CD109: variants seen among roughly 807,000 people sequenced by gnomAD.
CD109 encodes CD109 molecule.
CD109 carries 149 observed loss-of-function variants against 165.8 expected under a neutral mutation model. That is an observed-to-expected ratio of 0.90 (90% confidence interval 0.79 to 1.03). The LOEUF (loss-of-function observed/expected upper bound fraction) is 1.03. Among genes scored for constraint, CD109 ranks in the 50% least tolerant of loss-of-function variants. The pLI is 0.00. For missense variants in CD109, 1,712 were observed against 1,677.8 expected (o/e 1.02, Z -0.36); for synonymous variants, 585 against 592.1 (o/e 0.99, Z 0.18).
chr6:73,696,227 A>C lies in CD109; in HGVS notation c.12A>C (p.Pro4=). Residue 4 remains proline, a synonymous_variant, in exon 1 of 33, where the codon CCA becomes CCC. Transcript: ENST00000287097. MQG[P]PLLTAAHLLC... is the part of the protein sequence containing the mutation. ...CAGACGCCGTCGAGATGCAGGGCCC[A>C]CCGCTCCTGACCGCCGCCCACCTCC... 6.5e-7 allele frequency: 1 copy of C among 1,544,242 alleles called. No homozygotes were observed. Among genetic ancestry groups the C allele is most frequent in the Non-Finnish European group, 8.7e-7 (1 of 1,149,290 alleles).
chr6:73,711,579 G>A lies in CD109; in HGVS notation c.248-11672G>A, dbSNP rs1771541372. Among the ~76,000 whole-genome samples the A allele has an allele frequency of 4.0e-4, 2 of 5,044 alleles. 1 individual carries two copies. The highest frequency in any genetic ancestry group is 6.3e-4 in the African/African-American group (2 of 3,156). The allele number at this position is 5,044 out of a possible 152,430, so 3.3% of individuals were successfully genotyped here. On this transcript the variant is annotated intron_variant, in intron 2 of 32. Transcript: ENST00000287097. ...GACGGAGTCTCGCTCTGTCGCCCAGGCTGGAGTGCAGTGGCGGGATCTCGG... is the reference window on the plus strand; with the variant it reads ...GACGGAGTCTCGCTCTGTCGCCCAGACTGGAGTGCAGTGGCGGGATCTCGG...
Position 73,808,268 on chromosome 6 carries a change from T to G in CD109, c.3355+20T>G. ...AAGAAGGTAATGTGCTGGGCCCACT[T>G]GAGGTTGTTATGCTTTATGAAATAT... On this transcript the variant is annotated intron_variant, in intron 26 of 32. Coordinates refer to ENST00000287097, the MANE Select transcript of CD109 (RefSeq NM_133493.5). 1 of 1,594,302 alleles carries G rather than the reference T, an allele frequency of 6.3e-7. No individual in the cohort carries two copies. Among genetic ancestry groups the G allele is most frequent in the Non-Finnish European group, 8.5e-7 (1 of 1,172,958 alleles).
At chr6:73,763,449 G>A (rs183518116) in intron 9 of CD109, 127 bp from the exon 10 acceptor site, 2 of 545,738 alleles carry the variant, frequency 3.7e-6, no homozygotes, top group Non-Finnish European at 6.5e-6. Flanking sequence ...GTCAATATGG[G>A]AATGAGGCTT....
Position 73,764,741 on chromosome 6 carries a change from G to A in CD109, c.1107+1056G>A, listed in dbSNP as rs554876933. ...TGAGGCAGAAGAATCGCTTGAACCC[G>A]GGAGGCGGAGGTTGTGGTGAGTGGA... On this transcript the variant is annotated intron_variant, in intron 10 of 32. Transcript: ENST00000287097. Among the ~76,000 whole-genome samples the A allele has an allele frequency of 2.4e-4, 37 of 151,892 alleles. No homozygotes were observed. In the Middle Eastern group the frequency reaches 0.014, roughly 56 times the overall value.
chr6:73,786,440 G>A (rs376455090), intron 20 of CD109, among the ~76,000 whole-genome samples: 222 of 151,942 alleles, frequency 1.5e-3, no homozygotes, highest in African/African-American at 5.0e-3. Context: ...GGCTGACAAA[G>A]TGGGAAGTAA....
At chr6:73,791,188 C>T (rs79654471) in intron 22 of CD109, among the ~76,000 whole-genome samples, 700 of 18,960 alleles carry the variant, frequency 0.037, 38 homozygotes, top group East Asian at 0.1. Context: ...CACACACACA[C>T]ATACATATAT....
At chr6:73,701,520 C>T (rs1771077913) in intron 2 of CD109, among the ~76,000 whole-genome samples, 1 of 152,040 alleles carries the variant, frequency 6.6e-6, no homozygotes, top group Non-Finnish European at 1.5e-5. Flanking sequence ...AAAGGAGTTC[C>T]TTGCCAAATC....
chr6:73,702,498 A>T (rs1437999830), intron 2 of CD109, among the ~76,000 whole-genome samples: 1 of 152,164 alleles, frequency 6.6e-6, no homozygotes, highest in Non-Finnish European at 1.5e-5. Flanking sequence ...CTCAGTCTGA[A>T]CCTGCAGTTA....
chr6:73,708,679 A>G (rs1771400013), intron 2 of CD109, among the ~76,000 whole-genome samples: 1 of 152,140 alleles, frequency 6.6e-6, no homozygotes, highest in Non-Finnish European at 1.5e-5. Context: ...TGACTTTTTA[A>G]TGATCGCCAT....
intron 17 of CD109, among the ~76,000 whole-genome samples, chr6:73,782,174 C>T (rs1199937582): frequency 1.3e-5 from 2 of 152,140 alleles, no homozygotes; most frequent in Non-Finnish European, 2.9e-5. Flanking sequence ...CCCAACAGGA[C>T]ACCTGATCCT....
At chr6:73,687,728 G>A in the CD109 span, among the ~76,000 whole-genome samples, 110 of 152,220 alleles carry the variant, frequency 7.2e-4, no homozygotes, top group East Asian at 8.9e-3. Context: ...AACTTGCTCT[G>A]GGCAACAGGA....
intron 2 of CD109, among the ~76,000 whole-genome samples, chr6:73,716,558 C>T (rs1771752326): frequency 6.6e-6 from 1 of 152,118 alleles, no homozygotes; most frequent in African/African-American, 2.4e-5. Flanking sequence ...TTTCATATAC[C>T]TGTTTGCCAT....
At position 73,762,780 on chromosome 6, in the gene CD109, A is replaced by G. The variant is rs1018104990; in HGVS notation, c.895A>G (p.Met299Val). 2.0e-5 allele frequency: 32 copies of G among 1,608,586 alleles called. No individual in the cohort carries two copies. The highest frequency in any genetic ancestry group is 2.7e-5 in the Non-Finnish European group (32 of 1,175,638). Reference sequence around the variant, plus strand: ...AAACTTCTCTTTTAATGATGAAGAGATGAAAAATGTAATGGATTCTTCAAA... The same window carrying G: ...AAACTTCTCTTTTAATGATGAAGAGGTGAAAAATGTAATGGATTCTTCAAA... ...SANFSFNDEEMKNVMDSSNGL... is the reference protein window; with the variant it reads ...SANFSFNDEEVKNVMDSSNGL... Residue 299 changes from methionine (M) to valine (V), a missense_variant, in exon 9 of 33, where the codon ATG (methionine) becomes GTG (valine). Coordinates refer to ENST00000287097, the MANE Select transcript of CD109 (RefSeq NM_133493.5).
chr6:73,736,816 G>C (rs1005036723), intron 5 of CD109, among the ~76,000 whole-genome samples: 1 of 152,160 alleles, frequency 6.6e-6, no homozygotes, highest in East Asian at 1.9e-4. Context: ...ACTAAGTAAT[G>C]AACACATAGC....
chr6:73,695,921 C>T, upstream of CD109: 2 of 410,866 alleles, frequency 4.9e-6, no homozygotes, highest in Non-Finnish European at 8.9e-6. Flanking sequence ...CCGCGGCCAG[C>T]TGGGACGCCG....
At chr6:73,717,219 C>CTTTT (rs34220499) in intron 2 of CD109, among the ~76,000 whole-genome samples, 1 of 145,694 alleles carries the variant, frequency 6.9e-6, no homozygotes, top group Non-Finnish European at 1.5e-5. Context: ...GTGATTCCTC[C>CTTTT]TTTTTTTTTT....
chr6:73,821,948 A>G (rs1162534605), intron 32 of CD109, among the ~76,000 whole-genome samples: 1 of 152,244 alleles, frequency 6.6e-6, no homozygotes, highest in Non-Finnish European at 1.5e-5. Flanking sequence ...ATGCAGTAGC[A>G]TCGGCTGGAG....
chr6:73,761,016 C>A (rs1479962542), intron 7 of CD109, among the ~76,000 whole-genome samples: 11 of 1,086 alleles, frequency 0.01, no homozygotes, highest in African/African-American at 0.019. Context: ...TGTGTCTAAA[C>A]ACACACACAC....
the CD109 span, among the ~76,000 whole-genome samples, chr6:73,684,731 C>T: frequency 4.6e-5 from 7 of 151,976 alleles, no homozygotes; most frequent in East Asian, 1.4e-3. Flanking sequence ...GTCACCTGGG[C>T]TGGAGTGCAG....
Sources: allele counts gnomAD v4.1 joint callset (sites outside exome capture counted in the v4.1 genomes callset), GRCh38; gene constraint gnomAD v4.1.1; transcripts MANE v1.5; gene names NCBI Gene and HGNC (gene_info 2026-07-23, HGNC 2026-07-21).